Variants in FAM53A observed in about 807,000 individuals in gnomAD.
FAM53A encodes the protein family with sequence similarity 53 member A.
Under a neutral mutation model 26.6 loss-of-function variants are expected in FAM53A, and 28 were observed. The observed-to-expected ratio is 1.05, with a 90% confidence interval of 0.78 to 1.45. The LOEUF (loss-of-function observed/expected upper bound fraction) is 1.45, where lower values mean the gene tolerates loss of function less well. Ranked by LOEUF, FAM53A falls within the 40% of genes most tolerant of loss-of-function variation. FAM53A has a pLI of 0.00. For missense variants in FAM53A, 650 were observed against 575.8 expected (o/e 1.13, Z -1.32); for synonymous variants, 290 against 253.1 (o/e 1.15, Z -1.38).
intron 1 of FAM53A, among the ~76,000 whole-genome samples, chr4:1,673,985 TAGTC>T (rs1438979535): frequency 3.3e-5 from 5 of 152,210 alleles, no homozygotes; most frequent in Non-Finnish European, 7.3e-5. Context: ...AGGAAGGCGT[TAGTC>T]AGGTCATCAC....
the FAM53A span, among the ~76,000 whole-genome samples, chr4:1,603,863 C>T: frequency 6.6e-6 from 1 of 152,170 alleles, no homozygotes; most frequent in Non-Finnish European, 1.5e-5. Context: ...CAGTGCCCTA[C>T]GCAGAGCAGA....
the FAM53A span, among the ~76,000 whole-genome samples, chr4:1,603,999 C>T: frequency 6.6e-6 from 1 of 152,184 alleles, no homozygotes; most frequent in Admixed American, 6.5e-5. Context: ...ACAGCTGCTG[C>T]CTCCAGCCTG....
At chr4:1,668,559 C>T in intron 2 of FAM53A, 108 bp downstream of exon 2, 2 of 1,295,536 alleles carry the variant, frequency 1.5e-6, no homozygotes, top group East Asian at 4.7e-5. Flanking sequence ...AGCAGGGCCC[C>T]CCAGGCCCCT....
At chr4:1,662,118 C>T (rs1713876825) in intron 2 of FAM53A, among the ~76,000 whole-genome samples, 1 of 151,954 alleles carries the variant, frequency 6.6e-6, no homozygotes, top group Non-Finnish European at 1.5e-5. Flanking sequence ...CCATTGAGCA[C>T]AAGAGGTGGA....
chr4:1,629,542 C>T (rs1270001093), intron 1 of FAM53A, among the ~76,000 whole-genome samples: 1 of 152,178 alleles, frequency 6.6e-6, no homozygotes, highest in African/African-American at 2.4e-5. Context: ...CCTGTCCAGG[C>T]TCCACCAGCT....
intron 1 of FAM53A, among the ~76,000 whole-genome samples, chr4:1,669,913 C>T (rs532853578): frequency 9.2e-5 from 14 of 152,338 alleles, no homozygotes; most frequent in African/African-American, 3.4e-4. Flanking sequence ...AGCTGCCGCC[C>T]GGCTTCAGTT....
chr4:1,659,231 C>T lies in FAM53A; in HGVS notation c.76-1763G>A, dbSNP rs1160866562. On this transcript the variant is annotated intron_variant, in intron 2 of 4. Transcript: ENST00000308132. This position sits in a 1 kb window ranked among gnomAD's most constrained non-coding sequence, Gnocchi z 5.2. ...ACACGACCTCCAGGTTCTCCCACCC[C>T]GGGACCCGGGTCCGATGGAAGAGAG... Among the ~76,000 whole-genome samples the T allele has an allele frequency of 6.6e-6, 1 of 152,136 alleles. No individual in the cohort carries two copies. Among genetic ancestry groups the T allele is most frequent in the Non-Finnish European group, 1.5e-5 (1 of 68,006 alleles).
intron 2 of FAM53A, among the ~76,000 whole-genome samples, chr4:1,658,942 G>A (rs1713621660): frequency 6.6e-6 from 1 of 152,230 alleles, no homozygotes; most frequent in Admixed American, 6.5e-5. Flanking sequence ...GAGTTGTGGG[G>A]CTCCTCTGCC....
At chr4:1,608,203 C>G in the FAM53A span, among the ~76,000 whole-genome samples, 2 of 152,096 alleles carry the variant, frequency 1.3e-5, no homozygotes, top group Non-Finnish European at 2.9e-5. Context: ...CTATGGCCCC[C>G]CTGGTCTCCT....
intron 1 of FAM53A, among the ~76,000 whole-genome samples, chr4:1,624,522 A>G (rs777244974): frequency 6.6e-6 from 1 of 151,884 alleles, no homozygotes; most frequent in Non-Finnish European, 1.5e-5. Flanking sequence ...CTGCGCAGGG[A>G]CTCCAGGGCC....
At chr4:1,667,934 C>T (rs1314829985) in intron 2 of FAM53A, among the ~76,000 whole-genome samples, 1 of 152,266 alleles carries the variant, frequency 6.6e-6, no homozygotes, top group East Asian at 1.9e-4. Flanking sequence ...GTAGGAAAAT[C>T]AAGCTGCCCG....
Position 1,639,886 on chromosome 4 carries a change from GT to G in FAM53A, c.*1406del, listed in dbSNP as rs1416770044. ...AAGAAAATTTCAAAAAAGTATTAAT[GT>G]TTTCTTTTGCTATCGCAAACTCGAA... On this transcript the variant is annotated 3_prime_UTR_variant, in exon 5 of 5. Transcript: ENST00000308132. 2.6e-5 allele frequency: 4 copies of G among 152,218 alleles called. No individual in the cohort carries two copies. Among genetic ancestry groups the G allele is most frequent in the African/African-American group, 9.6e-5 (4 of 41,452 alleles). The allele number at this position is 152,218 out of a possible 1,614,324, so 9.4% of individuals were successfully genotyped here.
At chr4:1,618,513 C>T (rs1714892613) in intron 1 of FAM53A, among the ~76,000 whole-genome samples, 1 of 152,190 alleles carries the variant, frequency 6.6e-6, no homozygotes, top group Admixed American at 6.5e-5. Flanking sequence ...GCAGAGTCTC[C>T]TGGCCCTGCT....
At chr4:1,597,245 C>T in the FAM53A span, among the ~76,000 whole-genome samples, 8 of 152,158 alleles carry the variant, frequency 5.3e-5, no homozygotes, top group African/African-American at 1.9e-4. Flanking sequence ...AGGGGTCCCC[C>T]TCGAGGGTCC....
Position 1,659,205 on chromosome 4 carries a change from C to G in FAM53A, c.76-1737G>C, listed in dbSNP as rs1335193529. Among the ~76,000 whole-genome samples the G allele has an allele frequency of 2.0e-5, 3 of 152,208 alleles. 1 individual carries two copies. The highest frequency in any genetic ancestry group is 2.0e-4 in the Admixed American group (3 of 15,288). ...CAGGGCCTGGTGCGGGCCCGGGAAC[C>G]ACACGACCTCCAGGTTCTCCCACCC... On this transcript the variant is annotated intron_variant, in intron 2 of 4. Coordinates refer to ENST00000308132, the MANE Select transcript of FAM53A (RefSeq NM_001174070.3). This position sits in a 1 kb window ranked among gnomAD's most constrained non-coding sequence, Gnocchi z 5.2.
chr4:1,655,594 T>G lies in FAM53A; in HGVS notation c.266A>C (p.Gln89Pro), dbSNP rs761913904. Reference protein sequence around the residue: ...AHTMGLQWQPQSPRPGAGLGA... With the variant: ...AHTMGLQWQPPSPRPGAGLGA... ...CAGGCCTGCGCCTGGGCGCGGGGAC[T>G]GTGGCTGCCACTGAAGACCCATGGT... Residue 89 changes from glutamine (Q) to proline (P), a missense_variant, in exon 4 of 5, where the codon CAG becomes CCG. Physicochemically the swap from Gln to Pro is moderately conservative, Grantham distance 76 (BLOSUM62 -1). Transcript: ENST00000308132. 3.1e-6 allele frequency: 5 copies of G among 1,587,824 alleles called. No individual in the cohort carries two copies. In the East Asian group the frequency reaches 9.1e-5, roughly 29 times the overall value.
At chr4:1,625,002 AG>A (rs1318982856) in intron 1 of FAM53A, among the ~76,000 whole-genome samples, 4 of 136,566 alleles carry the variant, frequency 2.9e-5, no homozygotes, top group African/African-American at 1.2e-4. Flanking sequence ...GGTGATCAGA[AG>A]GCCCCACGTC....
chr4:1,666,837 T>C lies in FAM53A; in HGVS notation c.75+1830A>G, dbSNP rs181254935. On this transcript the variant is annotated intron_variant, in intron 2 of 4. Coordinates refer to ENST00000308132, the MANE Select transcript of FAM53A (RefSeq NM_001174070.3). Reference sequence around the variant, plus strand: ...GGTGAAACCCCGTCTCTACTAAAAATACAAAATTTAGGCTGGGTGTGGTGG... The same window carrying C: ...GGTGAAACCCCGTCTCTACTAAAAACACAAAATTTAGGCTGGGTGTGGTGG... 1.4e-4 allele frequency among the ~76,000 whole-genome samples: 21 copies of C among 152,214 alleles called. No individual in the cohort carries two copies. The East Asian group carries it at 3.1e-3, about 22-fold the overall frequency.
intron 4 of FAM53A, among the ~76,000 whole-genome samples, chr4:1,654,474 G>A (rs1049256850): frequency 3.3e-5 from 5 of 152,262 alleles, no homozygotes; most frequent in Admixed American, 2.6e-4. Context: ...TCTGCAGGAG[G>A]TGCCTGTACA....
Sources: allele counts gnomAD v4.1 joint callset (sites outside exome capture counted in the v4.1 genomes callset), GRCh38; gene constraint gnomAD v4.1.1; non-coding constraint Gnocchi (gnomAD v3.1); transcripts MANE v1.5; gene names NCBI Gene and HGNC (gene_info 2026-07-23, HGNC 2026-07-21).